EIF4EBP2: variants seen among roughly 807,000 people sequenced by gnomAD.
EIF4EBP2 encodes eukaryotic translation initiation factor 4E-binding protein 2.
In EIF4EBP2, 5 loss-of-function variants were observed where a neutral mutation model predicts 10.3. The observed-to-expected ratio is 0.48, with a 90% CI of 0.25 to 1.02. EIF4EBP2 has a LOEUF of 1.02. EIF4EBP2 is among the 50% of genes least tolerant of loss of function. EIF4EBP2 has a pLI of 0.15. For synonymous variants in EIF4EBP2, 67 were observed against 61.1 expected, an observed-to-expected ratio of 1.10 and a Z score of -0.45; for missense variants, 188 against 162.2, an observed-to-expected ratio of 1.16 and a Z score of -0.86.
In EIF4EBP2 at chr10:70,420,094, C is replaced by G. The variant is rs138427978; in HGVS notation, c.326C>G (p.Ala109Gly). The G allele has an allele frequency of 2.2e-5, 35 of 1,601,616 alleles. No individual in the cohort carries two copies. Among genetic ancestry groups the G allele is most frequent in the Non-Finnish European group, 2.9e-5 (34 of 1,175,176 alleles). The change falls in exon 2 of 3, where the codon GCA becomes GGA. Residue 109 changes from alanine (A) to glycine (G), a missense_variant. By Grantham distance (60) the Ala-to-Gly change is moderately conservative. Coordinates refer to ENST00000373218, the MANE Select transcript of EIF4EBP2 (RefSeq NM_004096.5). The part of the protein sequence containing the change: ...NNLNNHDRKH[A>G]VGDDAQFEMD... The stretch of plus-strand genomic sequence containing the variant: ...TTGAACAATCACGACAGGAAACATG[C>G]AGTTGGTAAGAGAATGGCGATGTTG...
At chr10:70,412,076 G>C (rs1431029760) in intron 1 of EIF4EBP2, among the ~76,000 whole-genome samples, 4 of 152,248 alleles carry the variant, frequency 2.6e-5, no homozygotes, top group Middle Eastern at 3.4e-3. Flanking sequence ...GTCAGTCATA[G>C]TTTCCCCAGT....
chr10:70,414,418 C>A (rs1414590178), intron 1 of EIF4EBP2, among the ~76,000 whole-genome samples: 1 of 152,124 alleles, frequency 6.6e-6, no homozygotes, highest in African/African-American at 2.4e-5. Context: ...GAGAACATTA[C>A]AGCATTAAGA....
At chr10:70,420,223 A>G in intron 2 of EIF4EBP2, 124 bp downstream of exon 2, 4 of 950,276 alleles carry the variant, frequency 4.2e-6, no homozygotes, top group Non-Finnish European at 1.5e-6. Flanking sequence ...TTTTTGAGAC[A>G]CAGTCTCATT....
intron 1 of EIF4EBP2, among the ~76,000 whole-genome samples, chr10:70,418,973 CTT>C (rs1265763650): frequency 1.3e-5 from 2 of 152,284 alleles, no homozygotes; most frequent in African/African-American, 4.8e-5. Flanking sequence ...CAGCACCTCA[CTT>C]GGCTCTTTTT....
At chr10:70,419,423 A>G (rs967592397) in intron 1 of EIF4EBP2, among the ~76,000 whole-genome samples, 19 of 152,202 alleles carry the variant, frequency 1.2e-4, no homozygotes, top group African/African-American at 4.6e-4. Context: ...TTCTTTGGAA[A>G]GCCTTTAAAA....
intron 1 of EIF4EBP2, among the ~76,000 whole-genome samples, chr10:70,405,920 TG>T (rs1381002179): frequency 6.6e-6 from 1 of 152,166 alleles, no homozygotes; most frequent in African/African-American, 2.4e-5. Context: ...TGCAGAATAG[TG>T]GAGTTCTTAG....
At chr10:70,408,243 G>C (rs1232215702) in intron 1 of EIF4EBP2, among the ~76,000 whole-genome samples, 1 of 150,224 alleles carries the variant, frequency 6.7e-6, no homozygotes, top group Non-Finnish European at 1.5e-5. Flanking sequence ...GGGGCGGCTG[G>C]CCGGGCACAG....
In EIF4EBP2 at chr10:70,425,894, T is replaced by C. The variant is rs933670362; in HGVS notation, c.*4147T>C. ...TAGATGATGTTATCAGGAAGCCAGGTTCCCACCAGAGTCGGTGCTTGGTAC... is the reference window on the plus strand; with the variant it reads ...TAGATGATGTTATCAGGAAGCCAGGCTCCCACCAGAGTCGGTGCTTGGTAC... On this transcript the variant is annotated 3_prime_UTR_variant, in exon 3 of 3. Transcript: ENST00000373218. 6.6e-6 allele frequency: 1 copy of C among 152,238 alleles called. No homozygotes were observed. Among genetic ancestry groups the C allele is most frequent in the Non-Finnish European group, 1.5e-5 (1 of 68,040 alleles). 9.4% of individuals were successfully genotyped at this position (152,238 alleles called of 1,614,324 possible). A position where few individuals can be genotyped will look rare whatever the true frequency, so the allele number is the denominator to read the frequency against.
intron 1 of EIF4EBP2, among the ~76,000 whole-genome samples, chr10:70,411,583 G>GCCT (rs1355314399): frequency 1.3e-5 from 2 of 152,088 alleles, no homozygotes; most frequent in East Asian, 3.9e-4. Flanking sequence ...CCTGGGCTCA[G>GCCT]CCTCCTGGGA....
At position 70,404,377 on chromosome 10, in the gene EIF4EBP2, A is replaced by G. The variant is rs745819652; in HGVS notation, c.-25A>G. On this transcript the variant is annotated 5_prime_UTR_variant, in exon 1 of 3. Coordinates refer to ENST00000373218, the MANE Select transcript of EIF4EBP2 (RefSeq NM_004096.5). The stretch of plus-strand genomic sequence containing the variant: ...GCCGCCGCCGCCTGCCCGCCGGACA[A>G]AGCCGAGAGCCCGCGCCCACAGCCA... 3.3e-6 allele frequency: 5 copies of G among 1,534,798 alleles called. No individual in the cohort carries two copies. Among genetic ancestry groups the G allele is most frequent in the Non-Finnish European group, 2.6e-6 (3 of 1,144,466 alleles).
chr10:70,422,274 A>G lies in EIF4EBP2; in HGVS notation c.*527A>G, dbSNP rs4746035. 0.085 allele frequency: 13,069 copies of G among 152,900 alleles called. 751 individuals are homozygous for G. Among genetic ancestry groups the G allele is most frequent in the East Asian group, 0.23 (1,207 of 5,168 alleles). 9.5% of individuals were successfully genotyped at this position (152,900 alleles called of 1,614,324 possible). On this transcript the variant is annotated 3_prime_UTR_variant, in exon 3 of 3. Transcript: ENST00000373218. ...TCTTTAAAACCAGCAGGGGGAAATG[A>G]TAAAAAGAGAGCTGCTTTCCCTTTT...
chr10:70,407,730 AC>A (rs750558076), intron 1 of EIF4EBP2, among the ~76,000 whole-genome samples: 32,744 of 103,196 alleles, frequency 0.32, 5,299 homozygotes, highest in Non-Finnish European at 0.34. Flanking sequence ...CGGGGGGCTG[AC>A]CCCCCCCCCA....
Position 70,419,951 on chromosome 10 carries a change from T to C in EIF4EBP2, c.183T>C (p.Asp61=). Residue 61 remains aspartate (D), a synonymous_variant, in exon 2 of 3, where the codon GAT becomes GAC. Transcript: ENST00000373218. ...TTTATGACAGAAAGTTTCTGTTGGA[T>C]CGTCGCAATTCTCCCATGGCTCAGA... The part of the protein sequence containing the change: ...RIIYDRKFLL[D]RRNSPMAQTP... 6.3e-7 allele frequency: 1 copy of C among 1,596,042 alleles called. No individual in the cohort carries two copies. Among genetic ancestry groups the C allele is most frequent in the South Asian group, 1.1e-5 (1 of 87,182 alleles).
intron 1 of EIF4EBP2, among the ~76,000 whole-genome samples, chr10:70,408,623 G>T (rs1845009078): frequency 6.6e-6 from 1 of 152,062 alleles, no homozygotes; most frequent in African/African-American, 2.4e-5. Flanking sequence ...CTCAACCAGG[G>T]TGCAATAGTT....
chr10:70,408,730 A>G (rs1418424210), intron 1 of EIF4EBP2, among the ~76,000 whole-genome samples: 1 of 152,198 alleles, frequency 6.6e-6, no homozygotes, highest in Admixed American at 6.5e-5. Flanking sequence ...AAAGGGGACA[A>G]CAGACAAAAG....
intron 1 of EIF4EBP2, among the ~76,000 whole-genome samples, chr10:70,405,163 T>C (rs1207261500): frequency 6.6e-6 from 1 of 152,078 alleles, no homozygotes; most frequent in Non-Finnish European, 1.5e-5. Context: ...AAAATAAAGC[T>C]CAAGTAATAG....
intron 1 of EIF4EBP2, among the ~76,000 whole-genome samples, chr10:70,405,409 G>T (rs1047424645): frequency 1.3e-5 from 2 of 152,140 alleles, no homozygotes; most frequent in Non-Finnish European, 2.9e-5. Context: ...AGTAATACTG[G>T]GGTAGAGGTG....
rs149447377 is a variant in EIF4EBP2, at chr10:70,426,926, T to G, written c.*5179T>G. On this transcript the variant is annotated 3_prime_UTR_variant, in exon 3 of 3. Transcript: ENST00000373218. ...TGGGTTTCACTGCCGGAGTCCATCA[T>G]TTAGCCAGTATACATAGAGGAACTG... The G allele has an allele frequency of 2.6e-5, 4 of 152,348 alleles. No homozygotes were observed. Among genetic ancestry groups the G allele is most frequent in the Non-Finnish European group, 5.9e-5 (4 of 68,044 alleles). The allele number at this position is 152,348 out of a possible 1,614,324, so 9.4% of individuals were successfully genotyped here.
chr10:70,406,291 C>T (rs916056039), intron 1 of EIF4EBP2, among the ~76,000 whole-genome samples: 1 of 152,186 alleles, frequency 6.6e-6, no homozygotes, highest in Non-Finnish European at 1.5e-5. Context: ...GCTTTTTAAT[C>T]CTGAAAAATT....
Sources: allele counts gnomAD v4.1 joint callset (sites outside exome capture counted in the v4.1 genomes callset), GRCh38; gene constraint gnomAD v4.1.1; transcripts MANE v1.5; gene names NCBI Gene and HGNC (gene_info 2026-07-23, HGNC 2026-07-21).